The following CFLAR variants were observed in gnomAD, a reference collection of about 807,000 sequenced individuals.
The protein encoded by CFLAR is CASP8 and FADD-like apoptosis regulator.
In CFLAR, 14 loss-of-function variants were observed where a neutral mutation model predicts 51.1. The observed-to-expected ratio is 0.27, with a 90% CI of 0.18 to 0.43. The LOEUF (loss-of-function observed/expected upper bound fraction) is 0.43. Among genes scored for constraint, CFLAR ranks in the 20% least tolerant of loss-of-function variants. CFLAR has a pLI of 1.00. For missense variants in CFLAR, 390 were observed against 566.5 expected, an observed-to-expected ratio of 0.69 and a Z score of 3.16; for synonymous variants, 210 against 211.6, an observed-to-expected ratio of 0.99 and a Z score of 0.06.
chr2:201,156,223 G>A (rs1486156202), intron 8 of CFLAR, among the ~76,000 whole-genome samples: 1 of 152,156 alleles, frequency 6.6e-6, no homozygotes, highest in Non-Finnish European at 1.5e-5. Context: ...TTTGAGAAGC[G>A]CTGCCTAATC....
rs186384191 is a variant in CFLAR, at chr2:201,149,889, A to G, written c.793+54A>G. ...TGCCCCCAGATTGAGATCATGGCAC[A>G]GGCAAGCTGTATTCATTGGAGTGAT... On this transcript the variant is annotated intron_variant, in intron 8 of 9. Coordinates refer to ENST00000309955, the MANE Select transcript of CFLAR (RefSeq NM_003879.7). The G allele has an allele frequency of 4.5e-6, 6 of 1,324,490 alleles. No individual in the cohort carries two copies. The Admixed American group carries it at 8.4e-5, about 19-fold the overall frequency. The allele number at this position is 1,324,490 out of a possible 1,614,324, so 82.0% of individuals were successfully genotyped here.
intron 1 of CFLAR, among the ~76,000 whole-genome samples, chr2:201,127,525 T>A (rs1483084661): frequency 6.6e-6 from 1 of 152,180 alleles, no homozygotes; most frequent in Non-Finnish European, 1.5e-5. Flanking sequence ...TTCCCTAGTC[T>A]AAGAGTAATT....
At chr2:201,127,840 T>A (rs1305927601) in intron 1 of CFLAR, among the ~76,000 whole-genome samples, 3 of 152,190 alleles carry the variant, frequency 2.0e-5, no homozygotes. Flanking sequence ...ATGCCAGTGC[T>A]CTTGCTGAGT....
intron 2 of CFLAR, 127 bp downstream of exon 2, chr2:201,130,273 A>C (rs2049124834): frequency 1.4e-6 from 1 of 737,580 alleles, no homozygotes; most frequent in African/African-American, 1.8e-5. Flanking sequence ...CACTTATCCA[A>C]CTGCCAGATG....
rs1228775625 is a variant in CFLAR at position 201,167,582 on chromosome 2, G to C, written c.*3609G>C. The stretch of plus-strand genomic sequence containing the variant: ...TATTTTGTACTTGTTTTGAGCACAG[G>C]ACTCCTGAGGGTATCTTTGCATTTA... On this transcript the variant is annotated 3_prime_UTR_variant, in exon 10 of 10. Transcript: ENST00000309955. 1 of 152,208 alleles carries C rather than the reference G, an allele frequency of 6.6e-6. No homozygotes were observed. Among genetic ancestry groups the C allele is most frequent in the Non-Finnish European group, 1.5e-5 (1 of 68,048 alleles). 9.4% of individuals were successfully genotyped at this position (152,208 alleles called of 1,614,324 possible). A position where few individuals can be genotyped will look rare whatever the true frequency, so the allele number is the denominator to read the frequency against.
chr2:201,140,393 A>C lies in CFLAR; in HGVS notation c.560A>C (p.Gln187Pro), dbSNP rs1938402386. 1 of 1,611,104 alleles carries C rather than the reference A, an allele frequency of 6.2e-7. No homozygotes were observed. The highest frequency in any genetic ancestry group is 1.3e-5 in the African/African-American group (1 of 74,852). ...GGGACAAGTTACAGGAATGTTCTCC[A>C]AGCAGCAATCCAAAAGAGTCTCAAG... ...GAGTSYRNVLQAAIQKSLKDP... is the reference protein window; with the variant it reads ...GAGTSYRNVLPAAIQKSLKDP... Residue 187 changes from glutamine (Q) to proline (P), a missense_variant, in exon 5 of 10, where the codon CAA becomes CCA. This residue lies in a region of CFLAR where 287 missense variants were observed against 363.6 expected (regional missense o/e 0.79). Transcript: ENST00000309955.
At chr2:201,163,666 G>C in intron 9 of CFLAR, 169 bp from the exon 10 acceptor site, 1 of 1,420,632 alleles carries the variant, frequency 7.0e-7, no homozygotes, top group South Asian at 1.5e-5. Context: ...GTGGCCATCA[G>C]GCCAGAGTAT....
Position 201,160,690 on chromosome 2 carries a change from A to C in CFLAR, c.1052A>C (p.Lys351Thr). Reference sequence around the variant, plus strand: ...GATTCATGCCCTTATCTAGCAGGGAAGCCAAAGATGTTTTTTATTCAGAAC... The same window carrying C: ...GATTCATGCCCTTATCTAGCAGGGACGCCAAAGATGTTTTTTATTCAGAAC... The part of the protein sequence containing the change: ...MGDSCPYLAG[K>T]PKMFFIQNYV... The change falls in exon 9 of 10, where the codon AAG becomes ACG. Residue 351 changes from lysine (K) to threonine (T), a missense_variant. Lys to Thr is a moderately conservative substitution (Grantham distance 78, BLOSUM62 -1). This residue lies in a region of CFLAR where 287 missense variants were observed against 363.6 expected (regional missense o/e 0.79). Coordinates refer to ENST00000309955, the MANE Select transcript of CFLAR (RefSeq NM_003879.7). 1 of 1,614,114 alleles carries C rather than the reference A, an allele frequency of 6.2e-7. No homozygotes were observed. The highest frequency in any genetic ancestry group is 8.5e-7 in the Non-Finnish European group (1 of 1,180,030).
At chr2:201,140,245 A>AG (rs1401029294) in intron 4 of CFLAR, 112 bp from the exon 5 acceptor site, 8 of 1,352,388 alleles carry the variant, frequency 5.9e-6, no homozygotes, top group Non-Finnish European at 8.1e-6. Flanking sequence ...GTGGCTAGAA[A>AG]GTTTAGGGTA....
rs771556544 is a variant in CFLAR at position 201,145,396 on chromosome 2, A to C, written c.625A>C (p.Lys209Gln). 4 of 1,607,162 alleles carry C rather than the reference A, an allele frequency of 2.5e-6. No homozygotes were observed. In the South Asian group the frequency reaches 4.4e-5, roughly 18 times the overall value. ...TTTGAAGCTCCATAATGGGAGAAGT[A>C]AAGAACAAAGACTTAAGGAACAGCT... ...NNFRLHNGRS[K>Q]EQRLKEQLGA... is the part of the protein sequence containing the mutation. Residue 209 changes from lysine to glutamine, a missense_variant, in exon 6 of 10, where the codon AAA becomes CAA. Physicochemically the swap from Lys to Gln is moderately conservative, Grantham distance 53. Around this residue, in one of 2 missense-constraint regions of CFLAR, gnomAD observed 287 missense variants for 363.6 expected, o/e 0.79. Coordinates refer to ENST00000309955, the MANE Select transcript of CFLAR (RefSeq NM_003879.7).
In CFLAR at chr2:201,136,055, G is replaced by A. The variant is rs932162099; in HGVS notation, c.471G>A (p.Lys157=). ...TGGATTTATTAGAAAAATGCCTAAA[G>A]AACATCCACAGAATAGACCTGAAGA... ...DQLDLLEKCL[K]NIHRIDLKTK... Residue 157 remains lysine, a synonymous_variant, in exon 4 of 10, where the codon AAG becomes AAA. Coordinates refer to ENST00000309955, the MANE Select transcript of CFLAR (RefSeq NM_003879.7). 1.9e-6 allele frequency: 3 copies of A among 1,613,928 alleles called. No individual in the cohort carries two copies. Among genetic ancestry groups the A allele is most frequent in the African/African-American group, 2.7e-5 (2 of 74,884 alleles).
chr2:201,122,393 A>T (rs560911991), intron 1 of CFLAR: 3 of 152,236 alleles, frequency 2.0e-5, no homozygotes, highest in Admixed American at 1.3e-4. Flanking sequence ...CAAGTATGGT[A>T]TCTTAACTAC....
At chr2:201,132,428 A>T (rs2518138) in intron 2 of CFLAR, among the ~76,000 whole-genome samples, 1 of 126,992 alleles carries the variant, frequency 7.9e-6, no homozygotes, top group East Asian at 2.0e-4. Context: ...TAGGGGGGGA[A>T]AAATATATAT....
Position 201,165,059 on chromosome 2 carries a change from T to TC in CFLAR, c.*1090dup, listed in dbSNP as rs1255800433. 1 of 152,084 alleles carries TC rather than the reference T, an allele frequency of 6.6e-6. No individual in the cohort carries two copies. The highest frequency in any genetic ancestry group is 1.9e-4 in the East Asian group (1 of 5,190). 9.4% of individuals were successfully genotyped at this position (152,084 alleles called of 1,614,324 possible). On this transcript the variant is annotated 3_prime_UTR_variant, in exon 10 of 10. Coordinates refer to ENST00000309955, the MANE Select transcript of CFLAR (RefSeq NM_003879.7). ...ATACTGTCACTTTGGGGATACTGTC[T>TC]CCCCTTTGAATTCTGGGGGGAATAC... is the stretch of plus-strand genomic sequence containing the variant.
At chr2:201,163,540 G>T in intron 9 of CFLAR, 1 of 1,192,216 alleles carries the variant, frequency 8.4e-7, no homozygotes. Flanking sequence ...TCCATGGGCC[G>T]GTGGTATTAC....
chr2:201,158,214 A>C (rs546536681), intron 8 of CFLAR, among the ~76,000 whole-genome samples: 1 of 152,308 alleles, frequency 6.6e-6, no homozygotes, highest in African/African-American at 2.4e-5. Flanking sequence ...TGTGATTCCA[A>C]GGCTGGTTCC....
intron 9 of CFLAR, chr2:201,163,362 T>C: frequency 1.7e-6 from 2 of 1,158,250 alleles, no homozygotes; most frequent in Non-Finnish European, 2.1e-6. Flanking sequence ...GCACTCTAAT[T>C]ACAATTTAGA....
chr2:201,166,001 A>C lies in CFLAR; in HGVS notation c.*2028A>C, dbSNP rs1575994414. 5.0e-6 allele frequency: 1 copy of C among 200,752 alleles called. No homozygotes were observed. The highest frequency in any genetic ancestry group is 7.0e-5 in the South Asian group (1 of 14,222). The allele number at this position is 200,752 out of a possible 1,614,324, so 12.4% of individuals were successfully genotyped here. Reference sequence around the variant, plus strand: ...CTTCTTTCTACACAGACACAGCAACAATCTGATTTCTCTATCTTTTCCCCA... The same window carrying C: ...CTTCTTTCTACACAGACACAGCAACCATCTGATTTCTCTATCTTTTCCCCA... On this transcript the variant is annotated 3_prime_UTR_variant, in exon 10 of 10. Transcript: ENST00000309955.
intron 6 of CFLAR, among the ~76,000 whole-genome samples, chr2:201,147,082 T>C (rs1940336195): frequency 6.6e-6 from 1 of 152,188 alleles, no homozygotes; most frequent in South Asian, 2.1e-4. Context: ...TTAAAAACAA[T>C]TGGTGTTCTT....
Sources: allele counts gnomAD v4.1 joint callset (sites outside exome capture counted in the v4.1 genomes callset), GRCh38; gene constraint gnomAD v4.1.1; regional missense constraint gnomAD v4.1.1; transcripts MANE v1.5; gene names NCBI Gene and HGNC (gene_info 2026-07-23, HGNC 2026-07-21).